ZCWPW1: variants seen among roughly 807,000 people sequenced by gnomAD.
The protein encoded by ZCWPW1 is zinc finger CW-type PWWP domain protein 1.
Under a neutral mutation model 81.3 loss-of-function variants are expected in ZCWPW1, and 56 were observed. The ratio of observed to expected loss-of-function variants is 0.69; its 90% CI spans 0.56 to 0.86. The LOEUF is 0.86. ZCWPW1 is among the 40% of genes least tolerant of loss of function. The pLI, the probability that ZCWPW1 is intolerant of heterozygous loss-of-function variation, is 0.00. For missense variants in ZCWPW1, 650 were observed against 769.8 expected (o/e 0.84, Z 1.84); for synonymous variants, 250 against 273.7 (o/e 0.91, Z 0.86).
In ZCWPW1 at chr7:100,420,653, G is replaced by T. The variant is rs767223190; in HGVS notation, c.-4C>A. The T allele has an allele frequency of 6.2e-7, 1 of 1,614,008 alleles. No homozygotes were observed. The highest frequency in any genetic ancestry group is 8.5e-7 in the Non-Finnish European group (1 of 1,180,028). On this transcript the variant is annotated 5_prime_UTR_variant, in exon 3 of 18. In the 5' UTR this introduces an upstream ATG that the reference lacks. Transcript: ENST00000684423. Reference sequence around the variant, plus strand: ...TATTCTGCAACGTTGTCATCATTCAGCTTAGAAACTACGCTTTGTGTGCCT... The same window carrying T: ...TATTCTGCAACGTTGTCATCATTCATCTTAGAAACTACGCTTTGTGTGCCT...
intron 5 of ZCWPW1, 189 bp downstream of exon 5, chr7:100,418,922 A>T (rs1467975114): frequency 4.8e-6 from 2 of 417,810 alleles, no homozygotes; most frequent in African/African-American, 4.1e-5. Flanking sequence ...TGTACCCTTT[A>T]TCTAAGGTGG....
rs955371089 is a variant in ZCWPW1 at position 100,425,029 on chromosome 7, C to T, written c.-30+1G>A. 3 of 152,114 alleles carry T rather than the reference C, an allele frequency of 2.0e-5. No homozygotes were observed. Among genetic ancestry groups the T allele is most frequent in the Non-Finnish European group, 4.4e-5 (3 of 68,026 alleles). 9.4% of individuals were successfully genotyped at this position (152,114 alleles called of 1,614,324 possible). On this transcript the variant is annotated splice_donor_variant, in intron 2 of 17. Transcript: ENST00000684423. LOFTEE classifies it low-confidence loss of function (5UTR_SPLICE). ...CACTGCTTTCAAACAAAAGCTCTAA[C>T]CTGATCAGTAAAGAAGGGAAGGCCA...
At chr7:100,410,423 C>A (rs1299269878) in intron 8 of ZCWPW1, among the ~76,000 whole-genome samples, 1 of 152,174 alleles carries the variant, frequency 6.6e-6, no homozygotes, top group East Asian at 1.9e-4. Context: ...GACAGAAAGT[C>A]AGGCTGGCAT....
intron 2 of ZCWPW1, among the ~76,000 whole-genome samples, chr7:100,423,431 A>G (rs905893258): frequency 6.6e-6 from 1 of 152,204 alleles, no homozygotes; most frequent in Non-Finnish European, 1.5e-5. Context: ...TAAATGGCCA[A>G]ACTCGTTCAA....
rs754555042 is a variant in ZCWPW1 at position 100,401,906 on chromosome 7, G to A, written c.1610C>T (p.Ser537Leu). The change falls in exon 17 of 18, where the codon TCA becomes TTA. Residue 537 changes from serine to leucine, a missense_variant. Ser to Leu is a moderately radical substitution (Grantham distance 145). Coordinates refer to ENST00000684423, the MANE Select transcript of ZCWPW1 (RefSeq NM_001386010.1). ...RMGRKEGQGN[S>L]DSDQPGPKKK... ...AGCCTTACCTGGCTGGTCAGAATCT[G>A]AATTCCCTTGGCCTTCTTTCCTTCC... 1.2e-6 allele frequency: 2 copies of A among 1,613,278 alleles called. No homozygotes were observed. Among genetic ancestry groups the A allele is most frequent in the Non-Finnish European group, 1.7e-6 (2 of 1,179,580 alleles).
chr7:100,406,655 T>C (rs768560435), intron 12 of ZCWPW1, 39 bp downstream of exon 12: 1 of 1,569,106 alleles, frequency 6.4e-7, no homozygotes, highest in South Asian at 1.1e-5. Context: ...GAAGATTTTG[T>C]TTTCTCTGTA....
chr7:100,419,858 G>T lies in ZCWPW1; in HGVS notation c.54C>A (p.Ile18=). 2 of 1,587,718 alleles carry T rather than the reference G, an allele frequency of 1.3e-6. No homozygotes were observed. Among genetic ancestry groups the T allele is most frequent in the Non-Finnish European group, 1.7e-6 (2 of 1,170,586 alleles). Residue 18 remains isoleucine (I), a synonymous_variant, in exon 4 of 18, where the codon ATC becomes ATA. Transcript: ENST00000684423. Reference sequence around the variant, plus strand: ...AAGATTTTTGTGCAGGTGGGGCAAAGATTCTCTTTGGTCCCTTTCCACATT... The same window carrying T: ...AAGATTTTTGTGCAGGTGGGGCAAATATTCTCTTTGGTCCCTTTCCACATT... ...KEECGKGPKR[I]FAPPAQKSYS...
intron 2 of ZCWPW1, among the ~76,000 whole-genome samples, chr7:100,424,101 T>A (rs973682286): frequency 4.9e-4 from 73 of 148,410 alleles, no homozygotes; most frequent in Middle Eastern, 3.5e-3. Flanking sequence ...CTGGGTAAAA[T>A]TAGCCTGTAA....
At chr7:100,418,003 G>T (rs1028969440) in intron 5 of ZCWPW1, among the ~76,000 whole-genome samples, 1 of 151,908 alleles carries the variant, frequency 6.6e-6, no homozygotes, top group African/African-American at 2.4e-5. Context: ...TCGTGCCTCA[G>T]CCTCCTGAGT....
At chr7:100,422,675 T>C (rs1388476770) in intron 2 of ZCWPW1, among the ~76,000 whole-genome samples, 1 of 152,234 alleles carries the variant, frequency 6.6e-6, no homozygotes, top group Admixed American at 6.5e-5. Flanking sequence ...TAATTTTGTT[T>C]CACAGGTAGT....
intron 9 of ZCWPW1, among the ~76,000 whole-genome samples, 175 bp downstream of exon 9, chr7:100,409,253 C>T (rs188849156): frequency 2.6e-5 from 4 of 152,298 alleles, no homozygotes; most frequent in African/African-American, 9.6e-5. Context: ...CTTCCTCCAG[C>T]CTTTTCTGCC....
At chr7:100,406,897 A>G in intron 11 of ZCWPW1, 99 bp from the exon 12 acceptor site, 1 of 1,091,040 alleles carries the variant, frequency 9.2e-7, no homozygotes, top group Non-Finnish European at 1.3e-6. Flanking sequence ...ACCCAGAAGG[A>G]GGTGCTGGGC....
intron 13 of ZCWPW1, 76 bp downstream of exon 13, chr7:100,404,937 T>A (rs1266928623): frequency 6.7e-7 from 1 of 1,488,492 alleles, no homozygotes; most frequent in Non-Finnish European, 9.2e-7. Flanking sequence ...ACAAACCATC[T>A]TTGTCTGGAC....
At chr7:100,422,164 A>T (rs1796474592) in intron 2 of ZCWPW1, among the ~76,000 whole-genome samples, 1 of 152,192 alleles carries the variant, frequency 6.6e-6, no homozygotes, top group Admixed American at 6.5e-5. Flanking sequence ...GTTTACAGGG[A>T]TTTAAAGATA....
chr7:100,428,124 C>A (rs1798077071), intron 1 of ZCWPW1, among the ~76,000 whole-genome samples: 1 of 152,300 alleles, frequency 6.6e-6, no homozygotes, highest in East Asian at 1.9e-4. Context: ...GCGCCTAGCA[C>A]CTTCACCTAC....
rs992283155 is a variant in ZCWPW1, at chr7:100,419,620, T to C, written c.282+10A>G. 5 of 1,604,932 alleles carry C rather than the reference T, an allele frequency of 3.1e-6. No homozygotes were observed. The highest frequency in any genetic ancestry group is 1.4e-5 in the African/African-American group (1 of 74,068). ...AATCTCCTACCAGAGCCCACCACTATGACTGGTACCTTTTCTTTCTTCTCT... is the reference window on the plus strand; with the variant it reads ...AATCTCCTACCAGAGCCCACCACTACGACTGGTACCTTTTCTTTCTTCTCT... On this transcript the variant is annotated intron_variant, in intron 4 of 17. Coordinates refer to ENST00000684423, the MANE Select transcript of ZCWPW1 (RefSeq NM_001386010.1).
chr7:100,408,476 C>A lies in ZCWPW1; in HGVS notation c.992+63G>T, dbSNP rs1793512886. The A allele has an allele frequency of 1.9e-6, 3 of 1,586,750 alleles. No homozygotes were observed. The African/African-American group carries it at 4.0e-5, about 21-fold the overall frequency. The stretch of plus-strand genomic sequence containing the variant: ...CAGATGTTTTCCATTTGCTTCCACC[C>A]CTGCTTGAATCTACCTCTCCCAAGT... On this transcript the variant is annotated intron_variant, in intron 10 of 17. Transcript: ENST00000684423.
At position 100,409,914 on chromosome 7, in the gene ZCWPW1, A is replaced by G. The variant is rs531189310; in HGVS notation, c.755-370T>C. Reference sequence around the variant, plus strand: ...AGATAGTGCCTTGTTCTCTGCTGGCATGACACTACTGAAAAGTTCTTTTGA... The same window carrying G: ...AGATAGTGCCTTGTTCTCTGCTGGCGTGACACTACTGAAAAGTTCTTTTGA... On this transcript the variant is annotated intron_variant, in intron 8 of 17. Coordinates refer to ENST00000684423, the MANE Select transcript of ZCWPW1 (RefSeq NM_001386010.1). 2.6e-5 allele frequency among the ~76,000 whole-genome samples: 4 copies of G among 152,318 alleles called. No homozygotes were observed. In the South Asian group the frequency reaches 8.3e-4, roughly 32 times the overall value.
chr7:100,402,025 T>G lies in ZCWPW1; in HGVS notation c.1491A>C (p.Ala497=). ...TCCTGCCTCGGCCATCTGCTGTGCCTGCATCACCCCCAAGCCCTAGCCGTG... is the reference window on the plus strand; with the variant it reads ...TCCTGCCTCGGCCATCTGCTGTGCCGGCATCACCCCCAAGCCCTAGCCGTG... ...KTKPRGLGGD[A]GTADGRGRTL... The change falls in exon 17 of 18, where the codon GCA becomes GCC. Residue 497 remains alanine, a synonymous_variant. Coordinates refer to ENST00000684423, the MANE Select transcript of ZCWPW1 (RefSeq NM_001386010.1). 6.2e-7 allele frequency: 1 copy of G among 1,611,928 alleles called. No homozygotes were observed. Among genetic ancestry groups the G allele is most frequent in the African/African-American group, 1.3e-5 (1 of 74,952 alleles).
Sources: allele counts gnomAD v4.1 joint callset (sites outside exome capture counted in the v4.1 genomes callset), GRCh38; gene constraint gnomAD v4.1.1; transcripts MANE v1.5; gene names NCBI Gene and HGNC (gene_info 2026-07-23, HGNC 2026-07-21).